The following DLGAP2 variants were observed in gnomAD, a reference collection of about 807,000 sequenced individuals.
DLGAP2 encodes the protein DLG associated protein 2, also known as disks large-associated protein 2.
In DLGAP2, 26 loss-of-function variants were observed where a neutral mutation model predicts 100.3. The observed-to-expected ratio is 0.26, with a 90% confidence interval of 0.19 to 0.36. The LOEUF is 0.36. DLGAP2 is among the 10% of genes least tolerant of loss of function. The pLI is 1.00. For missense variants in DLGAP2, 1,858 were observed against 1,453.2 expected (o/e 1.28, Z -4.53); for synonymous variants, 886 against 630.1 (o/e 1.41, Z -6.08).
chr8:1,256,930 G>C (rs960062148), intron 2 of DLGAP2, among the ~76,000 whole-genome samples: 4 of 152,086 alleles, frequency 2.6e-5, no homozygotes, highest in African/African-American at 9.7e-5. Context: ...GGCCCCGTGT[G>C]TGGACCATGG....
At chr8:801,419 A>T (rs73530369) in intron 1 of DLGAP2, among the ~76,000 whole-genome samples, 2,159 of 152,244 alleles carry the variant, frequency 0.014, 66 homozygotes, top group African/African-American at 0.049. Context: ...CCCCACTCTT[A>T]TGCTAAAGTC....
intron 10 of DLGAP2, 101 bp from the exon 11 acceptor site, chr8:1,676,432 A>G: frequency 7.9e-7 from 1 of 1,268,158 alleles, no homozygotes; most frequent in Non-Finnish European, 1.1e-6. Context: ...TAATTAAACA[A>G]ATGCGTAATT....
chr8:823,771 A>T (rs1199485428), intron 1 of DLGAP2, among the ~76,000 whole-genome samples: 1 of 152,030 alleles, frequency 6.6e-6, no homozygotes, highest in Non-Finnish European at 1.5e-5. Context: ...CAGCACGGGG[A>T]GCTGTCAGAA....
intron 3 of DLGAP2, among the ~76,000 whole-genome samples, chr8:1,334,250 C>T (rs1030688668): frequency 1.3e-5 from 2 of 152,240 alleles, no homozygotes; most frequent in African/African-American, 4.8e-5. Context: ...GCTGGTTAAG[C>T]TGAGAAGCCA....
At position 1,225,750 on chromosome 8, in the gene DLGAP2, G is replaced by C. The variant is rs1798401050; in HGVS notation, c.74-33101G>C. Among the ~76,000 whole-genome samples the C allele has an allele frequency of 2.0e-5, 3 of 152,194 alleles. No homozygotes were observed. The South Asian group carries it at 6.2e-4, about 31-fold the overall frequency. On this transcript the variant is annotated intron_variant, in intron 2 of 14. Coordinates refer to ENST00000637795, the MANE Select transcript of DLGAP2 (RefSeq NM_001346810.2). ...GTCCAAGGACAGAACATCTCAGTTAGACTGAAGGACTAAGTTCAAGACATC... is the reference window on the plus strand; with the variant it reads ...GTCCAAGGACAGAACATCTCAGTTACACTGAAGGACTAAGTTCAAGACATC...
chr8:1,174,192 C>G (rs1361133546), intron 2 of DLGAP2, among the ~76,000 whole-genome samples: 2 of 152,040 alleles, frequency 1.3e-5, no homozygotes, highest in Non-Finnish European at 1.5e-5. Context: ...TTCCAGGATT[C>G]TAAGGAAGAA....
intron 2 of DLGAP2, among the ~76,000 whole-genome samples, chr8:967,321 A>G (rs530808668): frequency 7.5e-4 from 115 of 152,318 alleles, no homozygotes; most frequent in African/African-American, 2.6e-3. Flanking sequence ...TCCCTTTCGA[A>G]CATGAAGGTT....
At chr8:1,244,310 T>C (rs1394467309) in intron 2 of DLGAP2, among the ~76,000 whole-genome samples, 3 of 152,266 alleles carry the variant, frequency 2.0e-5, no homozygotes, top group African/African-American at 7.2e-5. Flanking sequence ...GAATGACTGA[T>C]AGGTCATAGA....
In DLGAP2 at chr8:1,001,401, A is replaced by AT. The variant is rs1800951648; in HGVS notation, c.73+93439dup. Among the ~76,000 whole-genome samples, 3 of 152,340 alleles carry AT rather than the reference A, an allele frequency of 2.0e-5. No individual in the cohort carries two copies. In the South Asian group the frequency reaches 6.2e-4, roughly 32 times the overall value. On this transcript the variant is annotated intron_variant, in intron 2 of 14. Transcript: ENST00000637795. ...TAATTTTTATCCTTTTTAGGCCAAC[A>AT]TTTTGACAAACTTAAAGTAATATTT...
intron 3 of DLGAP2, among the ~76,000 whole-genome samples, chr8:1,292,055 T>A (rs1800071010): frequency 1.3e-5 from 2 of 152,164 alleles, no homozygotes; most frequent in South Asian, 4.1e-4. Flanking sequence ...TAGGGAAGAT[T>A]CAGTAGAATG....
chr8:1,089,970 G>A (rs1002428665), intron 2 of DLGAP2, among the ~76,000 whole-genome samples: 13 of 152,194 alleles, frequency 8.5e-5, no homozygotes, highest in Admixed American at 7.9e-4. Flanking sequence ...TTGGGGGGCT[G>A]TGGAAACTCA....
intron 1 of DLGAP2, among the ~76,000 whole-genome samples, chr8:743,667 G>T (rs973946666): frequency 6.6e-6 from 1 of 152,098 alleles, no homozygotes; most frequent in Non-Finnish European, 1.5e-5. Context: ...GGGCTCAAGC[G>T]ATCTTCCCAC....
At chr8:855,954 G>A (rs1455145771) in intron 1 of DLGAP2, among the ~76,000 whole-genome samples, 3 of 152,118 alleles carry the variant, frequency 2.0e-5, no homozygotes, top group Non-Finnish European at 4.4e-5. Flanking sequence ...CTTACTAAAT[G>A]ATGAGAAATT....
chr8:780,771 C>G (rs1337097610), intron 1 of DLGAP2, among the ~76,000 whole-genome samples: 1 of 152,228 alleles, frequency 6.6e-6, no homozygotes, highest in African/African-American at 2.4e-5. Flanking sequence ...GATGTCCAAA[C>G]CTGTTCCTGC....
chr8:1,489,898 A>ATT (rs146743200), intron 3 of DLGAP2, among the ~76,000 whole-genome samples: 5 of 149,078 alleles, frequency 3.4e-5, no homozygotes, highest in Non-Finnish European at 7.5e-5. Flanking sequence ...AGGCATATCA[A>ATT]TTTTTTTTTT....
intron 2 of DLGAP2, among the ~76,000 whole-genome samples, chr8:1,119,166 G>A (rs932119343): frequency 6.6e-6 from 1 of 152,158 alleles, no homozygotes; most frequent in African/African-American, 2.4e-5. Flanking sequence ...GCACTGAGAT[G>A]GCATAAATGC....
intron 2 of DLGAP2, among the ~76,000 whole-genome samples, chr8:982,659 A>C (rs983220613): frequency 1.3e-5 from 2 of 152,334 alleles, no homozygotes; most frequent in Non-Finnish European, 2.9e-5. Context: ...AAATAAATGC[A>C]ATATGGATAT....
chr8:763,157 C>T (rs746535270), intron 1 of DLGAP2, among the ~76,000 whole-genome samples: 2 of 152,130 alleles, frequency 1.3e-5, no homozygotes, highest in African/African-American at 2.4e-5. Context: ...TGAGCCCAGG[C>T]TGACCGTGCC....
intron 6 of DLGAP2, among the ~76,000 whole-genome samples, chr8:1,577,879 C>A (rs765845986): frequency 6.6e-6 from 1 of 152,210 alleles, no homozygotes; most frequent in South Asian, 2.1e-4. Flanking sequence ...TCCTGAGCCC[C>A]GCCCGGTGCC....
Sources: gnomAD v4.1 joint callset for allele counts (sites outside exome capture counted in the v4.1 genomes callset) on GRCh38, gnomAD v4.1.1 for gene constraint, MANE v1.5 for transcripts, NCBI Gene and HGNC (gene_info 2026-07-23, HGNC 2026-07-21) for gene names.